The following PDE4B variants were observed in gnomAD, a reference collection of about 807,000 sequenced individuals.
The protein encoded by PDE4B is phosphodiesterase 4B, also known as 3',5'-cyclic-AMP phosphodiesterase 4B.
Under a neutral mutation model 82.2 loss-of-function variants are expected in PDE4B, and 20 were observed. The observed-to-expected ratio is 0.24, with a 90% CI of 0.17 to 0.35. The LOEUF is 0.35. Among genes scored for constraint, PDE4B ranks in the 10% least tolerant of loss-of-function variants. The pLI, the probability that PDE4B is intolerant of heterozygous loss-of-function variation, is 1.00. For missense variants in PDE4B, 655 were observed against 907.2 expected (o/e 0.72, Z 3.57); for synonymous variants, 320 against 318.9 (o/e 1.00, Z -0.04).
intron 1 of PDE4B, among the ~76,000 whole-genome samples, chr1:65,889,844 G>T (rs573914443): frequency 6.6e-6 from 1 of 152,050 alleles, no homozygotes; most frequent in Non-Finnish European, 1.5e-5. Flanking sequence ...CTACAATTTT[G>T]TTCCTATGGA....
intron 7 of PDE4B, among the ~76,000 whole-genome samples, chr1:66,293,686 T>G (rs1414853104): frequency 6.6e-6 from 1 of 152,162 alleles, no homozygotes; most frequent in Non-Finnish European, 1.5e-5. Flanking sequence ...ATCTTCTATT[T>G]AAAACACACA....
intron 3 of PDE4B, among the ~76,000 whole-genome samples, chr1:66,203,669 T>C (rs775525124): frequency 1.3e-5 from 2 of 152,348 alleles, no homozygotes; most frequent in South Asian, 2.1e-4. Flanking sequence ...ATTCTTCATG[T>C]AGTTCTCGAG....
chr1:66,106,651 C>A (rs1161984662), intron 3 of PDE4B, among the ~76,000 whole-genome samples: 2 of 151,960 alleles, frequency 1.3e-5, no homozygotes, highest in Non-Finnish European at 2.9e-5. Context: ...TCAACTTCTT[C>A]CTGGTTTGGT....
chr1:66,331,865 A>G, intron 7 of PDE4B: 1 of 985,702 alleles, frequency 1.0e-6, no homozygotes, highest in Non-Finnish European at 1.2e-6. Flanking sequence ...CCCTCTAATT[A>G]AAGGAAAGAT....
At chr1:65,858,528 T>C (rs1195233534) in intron 1 of PDE4B, among the ~76,000 whole-genome samples, 2 of 152,244 alleles carry the variant, frequency 1.3e-5, no homozygotes, top group African/African-American at 4.8e-5. Flanking sequence ...CTTGGAAATA[T>C]TTCATCATCT....
intron 3 of PDE4B, among the ~76,000 whole-genome samples, chr1:66,125,675 TA>T (rs1219319173): frequency 6.6e-6 from 1 of 152,236 alleles, no homozygotes; most frequent in Non-Finnish European, 1.5e-5. Context: ...TCCAAGAACC[TA>T]TTGATGACAT....
chr1:65,948,824 G>A (rs1569786589), intron 3 of PDE4B, among the ~76,000 whole-genome samples: 2 of 152,148 alleles, frequency 1.3e-5, no homozygotes, highest in Admixed American at 1.3e-4. Flanking sequence ...TTGTTTTTCA[G>A]TTGATGTGTT....
intron 3 of PDE4B, among the ~76,000 whole-genome samples, chr1:66,105,443 G>A (rs1253827215): frequency 2.0e-5 from 3 of 151,984 alleles, no homozygotes; most frequent in Non-Finnish European, 4.4e-5. Context: ...GGTTCCATAT[G>A]AACTTTAAAG....
chr1:66,154,132 C>A (rs969531666), intron 3 of PDE4B, among the ~76,000 whole-genome samples: 5 of 152,158 alleles, frequency 3.3e-5, no homozygotes, highest in Admixed American at 6.6e-5. Flanking sequence ...GAGTTAAGAG[C>A]TCCTCCCCTT....
chr1:66,318,219 T>G (rs766868462), intron 7 of PDE4B, among the ~76,000 whole-genome samples: 13 of 152,326 alleles, frequency 8.5e-5, no homozygotes, highest in Non-Finnish European at 1.8e-4. Context: ...CTTAGTGTTG[T>G]AACTTTGGGC....
At chr1:66,227,360 A>C (rs921597908) in intron 3 of PDE4B, among the ~76,000 whole-genome samples, 2 of 152,214 alleles carry the variant, frequency 1.3e-5, no homozygotes, top group Non-Finnish European at 2.9e-5. Flanking sequence ...ACCTTGAGCA[A>C]AATTCTTAAG....
intron 3 of PDE4B, among the ~76,000 whole-genome samples, chr1:66,068,801 T>G (rs562716168): frequency 7.9e-5 from 12 of 152,100 alleles, no homozygotes; most frequent in Admixed American, 7.9e-4. Context: ...TGAGATCATT[T>G]TTCATTGCTT....
intron 6 of PDE4B, among the ~76,000 whole-genome samples, chr1:66,259,333 C>T (rs561496918): frequency 6.6e-6 from 1 of 152,268 alleles, no homozygotes; most frequent in East Asian, 1.9e-4. Flanking sequence ...CATTCTAATA[C>T]AAAATGCTGT....
chr1:66,026,527 G>T (rs750825009), intron 3 of PDE4B, among the ~76,000 whole-genome samples: 1 of 152,134 alleles, frequency 6.6e-6, no homozygotes, highest in African/African-American at 2.4e-5. Context: ...TCTATGTTTT[G>T]TTGTCTGATT....
chr1:65,911,449 A>G (rs1647089654), intron 1 of PDE4B, among the ~76,000 whole-genome samples: 1 of 152,038 alleles, frequency 6.6e-6, no homozygotes, highest in African/African-American at 2.4e-5. Context: ...ATCATTGAGT[A>G]TGTATAGTTT....
intron 1 of PDE4B, among the ~76,000 whole-genome samples, chr1:65,833,722 T>C (rs1646108197): frequency 6.6e-6 from 1 of 152,214 alleles, no homozygotes; most frequent in African/African-American, 2.4e-5. Flanking sequence ...TATCACTTGT[T>C]TATGTTATAT....
chr1:66,097,630 G>A (rs1645142404), intron 3 of PDE4B, among the ~76,000 whole-genome samples: 1 of 151,524 alleles, frequency 6.6e-6, no homozygotes, highest in Admixed American at 6.6e-5. Flanking sequence ...TTGGCTCTTG[G>A]TTATAGCCTA....
intron 3 of PDE4B, among the ~76,000 whole-genome samples, chr1:65,969,845 G>T (rs999491610): frequency 2.0e-5 from 3 of 151,748 alleles, no homozygotes; most frequent in African/African-American, 7.3e-5. Context: ...GCTTTGAATT[G>T]CTCTTCCAGT....
At chr1:66,084,307 C>T (rs1656892530) in intron 3 of PDE4B, among the ~76,000 whole-genome samples, 1 of 152,042 alleles carries the variant, frequency 6.6e-6, no homozygotes, top group Non-Finnish European at 1.5e-5. Context: ...ATGTATTGTT[C>T]AGAAGATAAA....
Sources: gnomAD v4.1 joint callset for allele counts (sites outside exome capture counted in the v4.1 genomes callset) on GRCh38, gnomAD v4.1.1 for gene constraint, MANE v1.5 for transcripts, NCBI Gene and HGNC (gene_info 2026-07-23, HGNC 2026-07-21) for gene names.